The following ADAMTSL3 variants were observed in gnomAD, a reference collection of about 807,000 sequenced individuals.
The protein encoded by ADAMTSL3 is ADAMTS like 3.
A neutral mutation model predicts 201.7 loss-of-function variants in ADAMTSL3; 128 were observed. The ratio of observed to expected loss-of-function variants is 0.63; its 90% CI spans 0.55 to 0.73. The LOEUF (loss-of-function observed/expected upper bound fraction) is 0.73. Among genes scored for constraint, ADAMTSL3 ranks in the 30% least tolerant of loss-of-function variants. The pLI is 0.00. For synonymous variants in ADAMTSL3, 738 were observed against 748.4 expected (o/e 0.99, Z 0.23); for missense variants, 1,990 against 2,119.6 (o/e 0.94, Z 1.20).
chr15:83,768,512 C>G (rs2062926811), intron 3 of ADAMTSL3, among the ~76,000 whole-genome samples: 1 of 152,144 alleles, frequency 6.6e-6, no homozygotes, highest in Admixed American at 6.5e-5. Context: ...CATTTTAAGA[C>G]TTAAAATGTG....
In ADAMTSL3 at chr15:83,794,009, T is replaced by C. The variant is rs2063383710; in HGVS notation, c.318-10641T>C. On this transcript the variant is annotated intron_variant, in intron 4 of 29. Coordinates refer to ENST00000286744, the MANE Select transcript of ADAMTSL3 (RefSeq NM_207517.3). ...TTAGAAAATGAACAAAGGACACGAA[T>C]GGATATTTTACCCAAGAGAATACAT... 2.0e-5 allele frequency among the ~76,000 whole-genome samples: 3 copies of C among 152,126 alleles called. No homozygotes were observed. In the South Asian group the frequency reaches 6.2e-4, roughly 31 times the overall value.
chr15:83,963,520 G>C (rs1249547515), intron 19 of ADAMTSL3, among the ~76,000 whole-genome samples: 2 of 152,152 alleles, frequency 1.3e-5, no homozygotes, highest in African/African-American at 4.8e-5. Flanking sequence ...GGGTCTTATA[G>C]ATAAAACTCC....
At chr15:84,001,199 A>G (rs1039437873) in intron 23 of ADAMTSL3, among the ~76,000 whole-genome samples, 12 of 152,174 alleles carry the variant, frequency 7.9e-5, no homozygotes, top group Non-Finnish European at 7.3e-5. Flanking sequence ...TTAGCAACGG[A>G]TGCGTCATTA....
chr15:83,718,762 T>C (rs2062054955), intron 3 of ADAMTSL3, among the ~76,000 whole-genome samples: 1 of 151,854 alleles, frequency 6.6e-6, no homozygotes, highest in Non-Finnish European at 1.5e-5. Context: ...GACTTAAGCA[T>C]GTCAACTATG....
chr15:83,698,425 C>G (rs2061717790), intron 2 of ADAMTSL3, among the ~76,000 whole-genome samples: 1 of 152,198 alleles, frequency 6.6e-6, no homozygotes, highest in South Asian at 2.1e-4. Context: ...TTCCTCCTGA[C>G]CTTGTCCCTG....
chr15:84,002,264 C>G (rs1425034657), intron 23 of ADAMTSL3, among the ~76,000 whole-genome samples: 1 of 152,106 alleles, frequency 6.6e-6, no homozygotes, highest in East Asian at 1.9e-4. Flanking sequence ...TTGCAAAAAA[C>G]CTTGTGCTTT....
intron 5 of ADAMTSL3, among the ~76,000 whole-genome samples, chr15:83,819,243 G>A (rs1382214628): frequency 2.2e-5 from 3 of 134,696 alleles, no homozygotes; most frequent in Non-Finnish European, 3.1e-5. Context: ...CCAGCCTGGC[G>A]ACAGAGTGAC....
At chr15:83,829,065 C>G (rs912418390) in intron 6 of ADAMTSL3, among the ~76,000 whole-genome samples, 5 of 152,180 alleles carry the variant, frequency 3.3e-5, no homozygotes, top group African/African-American at 4.8e-5. Flanking sequence ...AGGATTCCCT[C>G]TTTTTCTATT....
chr15:83,797,387 C>T (rs954495626), intron 4 of ADAMTSL3, among the ~76,000 whole-genome samples: 5 of 152,054 alleles, frequency 3.3e-5, no homozygotes, highest in African/African-American at 9.7e-5. Flanking sequence ...CCACGATGCG[C>T]GGATCACTTG....
At chr15:84,016,963 G>T (rs1306063853) in intron 25 of ADAMTSL3, among the ~76,000 whole-genome samples, 6 of 152,122 alleles carry the variant, frequency 3.9e-5, no homozygotes, top group Non-Finnish European at 7.3e-5. Context: ...TCTGCAGAAG[G>T]CCAAGGGATC....
At chr15:83,832,193 A>T (rs150374771) in intron 6 of ADAMTSL3, among the ~76,000 whole-genome samples, 2 of 152,044 alleles carry the variant, frequency 1.3e-5, no homozygotes, top group African/African-American at 2.4e-5. Flanking sequence ...TGCAGTCAAC[A>T]TGAGCTTTTA....
chr15:83,892,953 C>T, intron 13 of ADAMTSL3, 65 bp downstream of exon 13: 4 of 1,476,892 alleles, frequency 2.7e-6, no homozygotes, highest in Non-Finnish European at 3.7e-6. Context: ...TTCTATATGC[C>T]CACCATGGTG....
At chr15:83,975,448 C>T (rs895248751) in intron 20 of ADAMTSL3, among the ~76,000 whole-genome samples, 8 of 152,144 alleles carry the variant, frequency 5.3e-5, no homozygotes, top group South Asian at 4.1e-4. Flanking sequence ...TAGCTACAGT[C>T]GTAGAGACCC....
intron 6 of ADAMTSL3, among the ~76,000 whole-genome samples, chr15:83,826,356 C>T (rs1380482808): frequency 6.6e-6 from 1 of 151,584 alleles, no homozygotes; most frequent in Non-Finnish European, 1.5e-5. Context: ...GTCCTGGCTT[C>T]AAGCAACTTT....
intron 23 of ADAMTSL3, among the ~76,000 whole-genome samples, chr15:84,009,811 C>G (rs2067974746): frequency 6.6e-6 from 1 of 150,948 alleles, no homozygotes; most frequent in South Asian, 2.1e-4. Flanking sequence ...GCTGTTCCCT[C>G]TGCCGGAAAT....
At chr15:83,808,745 G>A in intron 5 of ADAMTSL3, among the ~76,000 whole-genome samples, 1 of 152,104 alleles carries the variant, frequency 6.6e-6, no homozygotes, top group East Asian at 1.9e-4. Context: ...AACAGTGAAT[G>A]AATGGTTAAA....
At chr15:83,960,618 G>C (rs1409212909) in intron 19 of ADAMTSL3, among the ~76,000 whole-genome samples, 1 of 152,158 alleles carries the variant, frequency 6.6e-6, no homozygotes, top group Non-Finnish European at 1.5e-5. Context: ...AGATGAAGTG[G>C]TATGAAAGAA....
intron 19 of ADAMTSL3, among the ~76,000 whole-genome samples, chr15:83,960,007 A>G (rs1034674856): frequency 1.3e-5 from 2 of 152,190 alleles, no homozygotes; most frequent in Admixed American, 6.5e-5. Flanking sequence ...AGTAACTCAC[A>G]TAGTAGTTTA....
intron 8 of ADAMTSL3, among the ~76,000 whole-genome samples, chr15:83,863,358 GTT>G (rs1305907014): frequency 1.6e-4 from 24 of 152,134 alleles, no homozygotes; most frequent in African/African-American, 5.8e-4. Flanking sequence ...TGACCACATA[GTT>G]GGAAGTGAAG....
Sources: allele counts gnomAD v4.1 joint callset (sites outside exome capture counted in the v4.1 genomes callset), GRCh38; gene constraint gnomAD v4.1.1; transcripts MANE v1.5; gene names NCBI Gene and HGNC (gene_info 2026-07-23, HGNC 2026-07-21).